Variants in ACOXL observed in about 807,000 individuals in gnomAD.
The protein encoded by ACOXL is acyl-CoA oxidase like.
ACOXL carries 70 observed loss-of-function variants against 71.9 expected under a neutral mutation model. The ratio of observed to expected loss-of-function variants is 0.97; its 90% CI spans 0.80 to 1.19. ACOXL has a LOEUF of 1.19. Ranked by LOEUF, ACOXL falls within the 50% of genes most tolerant of loss-of-function variation. The probability of loss-of-function intolerance (pLI) is 0.00; values close to 1 mark genes in which losing one functional copy is unlikely to be tolerated. For missense variants in ACOXL, 703 were observed against 736.3 expected (o/e 0.95, Z 0.52); for synonymous variants, 253 against 281.6 (o/e 0.90, Z 1.02).
At chr2:110,787,555 AAAAG>A (rs1160954517) in intron 3 of ACOXL, among the ~76,000 whole-genome samples, 1 of 151,504 alleles carries the variant, frequency 6.6e-6, no homozygotes, top group Non-Finnish European at 1.5e-5. Flanking sequence ...AAAAAAAAGA[AAAAG>A]AAAAAAAAGA....
rs2150101653 is a variant in ACOXL at position 111,117,982 on chromosome 2, C to T, written c.*166C>T. On this transcript the variant is annotated 3_prime_UTR_variant, in exon 18 of 18. Transcript: ENST00000439055. Reference sequence around the variant, plus strand: ...CCGCCGAGGCTGGCGAGGTGCGCGGCTGGCTGCTAGGAAAGAGATCCAGAC... The same window carrying T: ...CCGCCGAGGCTGGCGAGGTGCGCGGTTGGCTGCTAGGAAAGAGATCCAGAC... 5.0e-6 allele frequency: 4 copies of T among 803,710 alleles called. No homozygotes were observed. The highest frequency in any genetic ancestry group is 7.6e-6 in the Non-Finnish European group (4 of 522,912). 49.8% of individuals were successfully genotyped at this position (803,710 alleles called of 1,614,324 possible).
intron 10 of ACOXL, among the ~76,000 whole-genome samples, chr2:110,890,496 G>C (rs778133238): frequency 2.0e-5 from 3 of 152,128 alleles, no homozygotes; most frequent in Admixed American, 6.5e-5. Context: ...TGTATGGTGT[G>C]AGGAAGGGCT....
At chr2:110,866,980 A>T (rs1694680955) in intron 10 of ACOXL, among the ~76,000 whole-genome samples, 1 of 152,200 alleles carries the variant, frequency 6.6e-6, no homozygotes, top group African/African-American at 2.4e-5. Context: ...AAGGGGCCAC[A>T]GGGCTTCCCC....
intron 9 of ACOXL, among the ~76,000 whole-genome samples, chr2:110,836,420 G>A (rs1012427503): frequency 2.6e-5 from 4 of 151,684 alleles, no homozygotes; most frequent in African/African-American, 9.7e-5. Flanking sequence ...TGTTTGAGTG[G>A]TATTCTGTGT....
At chr2:111,065,904 G>A (rs2067047623) in intron 16 of ACOXL, among the ~76,000 whole-genome samples, 1 of 152,146 alleles carries the variant, frequency 6.6e-6, no homozygotes, top group Non-Finnish European at 1.5e-5. Context: ...AAGAGAAACT[G>A]GATCATTCAT....
At chr2:110,982,283 A>G (rs2062741679) in intron 12 of ACOXL, among the ~76,000 whole-genome samples, 1 of 152,044 alleles carries the variant, frequency 6.6e-6, no homozygotes, top group African/African-American at 2.4e-5. Flanking sequence ...AGGCCCAGCA[A>G]TTACTCAGAG....
intron 16 of ACOXL, among the ~76,000 whole-genome samples, chr2:111,064,842 A>T (rs1315354651): frequency 1.3e-5 from 2 of 152,240 alleles, no homozygotes; most frequent in Non-Finnish European, 2.9e-5. Context: ...CAAAATGCTA[A>T]TGAAACAAAT....
intron 10 of ACOXL, among the ~76,000 whole-genome samples, chr2:110,904,270 A>G (rs1336931049): frequency 6.6e-6 from 1 of 152,152 alleles, no homozygotes; most frequent in Non-Finnish European, 1.5e-5. Context: ...CTTTCATTTC[A>G]TCTTCTATCC....
intron 9 of ACOXL, among the ~76,000 whole-genome samples, chr2:110,839,668 T>C (rs1332501850): frequency 6.6e-6 from 1 of 152,158 alleles, no homozygotes; most frequent in East Asian, 1.9e-4. Flanking sequence ...GGCTGAATTA[T>C]TCTGGAACCA....
intron 16 of ACOXL, among the ~76,000 whole-genome samples, chr2:111,053,690 T>C (rs940284339): frequency 2.0e-5 from 3 of 152,236 alleles, no homozygotes; most frequent in Admixed American, 1.3e-4. Context: ...TTACTGAATG[T>C]AAATGATCAC....
intron 11 of ACOXL, among the ~76,000 whole-genome samples, chr2:110,928,097 G>A (rs905316065): frequency 7.2e-5 from 11 of 152,210 alleles, no homozygotes; most frequent in Non-Finnish European, 1.3e-4. Context: ...CTCAGGCAAG[G>A]AGGGGCCACA....
At chr2:110,933,428 C>T (rs2060550564) in intron 11 of ACOXL, 61 bp from the exon 12 acceptor site, 4 of 1,559,704 alleles carry the variant, frequency 2.6e-6, no homozygotes, top group African/African-American at 2.7e-5. Flanking sequence ...AGATAATGCT[C>T]CTTCACACAT....
At chr2:110,897,584 C>T (rs2059064371) in intron 10 of ACOXL, among the ~76,000 whole-genome samples, 1 of 150,524 alleles carries the variant, frequency 6.6e-6, no homozygotes, top group Non-Finnish European at 1.5e-5. Context: ...CCCTTATGAC[C>T]TAAACACCTC....
intron 2 of ACOXL, among the ~76,000 whole-genome samples, chr2:110,776,742 G>C (rs1176437083): frequency 1.3e-5 from 2 of 152,090 alleles, no homozygotes; most frequent in Non-Finnish European, 2.9e-5. Context: ...TGAGGCATTT[G>C]ATTTTCTTCA....
intron 15 of ACOXL, among the ~76,000 whole-genome samples, chr2:111,046,273 G>A (rs1042886255): frequency 6.6e-5 from 10 of 152,214 alleles, no homozygotes; most frequent in African/African-American, 2.4e-4. Flanking sequence ...CAGCAAGGCT[G>A]TGTGACTTGT....
intron 9 of ACOXL, among the ~76,000 whole-genome samples, chr2:110,839,227 T>C (rs1690839323): frequency 2.0e-5 from 3 of 152,186 alleles, no homozygotes; most frequent in African/African-American, 7.2e-5. Context: ...CCAATTAAAC[T>C]GTACTCCAAA....
At chr2:111,106,576 G>A (rs912847187) in intron 17 of ACOXL, among the ~76,000 whole-genome samples, 1 of 152,078 alleles carries the variant, frequency 6.6e-6, no homozygotes, top group Non-Finnish European at 1.5e-5. Flanking sequence ...CATCTTCCTG[G>A]TTCTTGATAG....
At chr2:110,765,078 TGTCTCA>T (rs1487633148) in intron 1 of ACOXL, among the ~76,000 whole-genome samples, 5 of 152,250 alleles carry the variant, frequency 3.3e-5, no homozygotes, top group African/African-American at 1.2e-4. Flanking sequence ...ACAGTTATTT[TGTCTCA>T]GTACTTGAAA....
chr2:110,772,260 C>T (rs1004070381), intron 2 of ACOXL, among the ~76,000 whole-genome samples: 1 of 152,154 alleles, frequency 6.6e-6, no homozygotes, highest in South Asian at 2.1e-4. Context: ...GGTGCTTGCC[C>T]CTGTCTGCAC....
Sources: gnomAD v4.1 joint callset for allele counts (sites outside exome capture counted in the v4.1 genomes callset) on GRCh38, gnomAD v4.1.1 for gene constraint, MANE v1.5 for transcripts, NCBI Gene and HGNC (gene_info 2026-07-23, HGNC 2026-07-21) for gene names.